TAS1R1: variants seen among roughly 807,000 people sequenced by gnomAD.
The protein encoded by TAS1R1 is taste 1 receptor member 1, also known as taste receptor type 1 member 1.
Under a neutral mutation model 45.8 loss-of-function variants are expected in TAS1R1, and 31 were observed. The ratio of observed to expected loss-of-function variants is 0.68; its 90% CI spans 0.51 to 0.91. The LOEUF is 0.91. Among genes scored for constraint, TAS1R1 ranks in the 40% least tolerant of loss-of-function variants. The probability of loss-of-function intolerance (pLI) is 0.00; values close to 1 mark genes in which losing one functional copy is unlikely to be tolerated. For synonymous variants in TAS1R1, 437 were observed against 448.4 expected (o/e 0.97, Z 0.32); for missense variants, 1,051 against 1,063.9 (o/e 0.99, Z 0.17).
In TAS1R1 at chr1:6,579,307, A is replaced by G; in HGVS notation, c.2249A>G (p.Lys750Arg). The G allele has an allele frequency of 6.2e-7, 1 of 1,614,220 alleles. No homozygotes were observed. Among genetic ancestry groups the G allele is most frequent in the Non-Finnish European group, 8.5e-7 (1 of 1,180,042 alleles). Residue 750 changes from lysine (K) to arginine (R), a missense_variant, in exon 6 of 6, where the codon AAG (lysine) becomes AGG (arginine). By Grantham distance (26) the Lys-to-Arg change is conservative. Coordinates refer to ENST00000333172, the MANE Select transcript of TAS1R1 (RefSeq NM_138697.4). ...ISAFACSYLG[K>R]DLPENYNEAK... Reference sequence around the variant, plus strand: ...GCCTTTGCCTGCAGCTACCTGGGTAAGGACTTGCCAGAGAACTACAACGAG... The same window carrying G: ...GCCTTTGCCTGCAGCTACCTGGGTAGGGACTTGCCAGAGAACTACAACGAG...
At chr1:6,566,061 A>T (rs1210266392) in intron 1 of TAS1R1, among the ~76,000 whole-genome samples, 1 of 152,158 alleles carries the variant, frequency 6.6e-6, no homozygotes, top group Non-Finnish European at 1.5e-5. Context: ...GAAGGGTAAT[A>T]GTGTGAGTCT....
At position 6,576,988 on chromosome 1, in the gene TAS1R1, G is replaced by A; in HGVS notation, c.1512G>A (p.Gly504=). Residue 504 remains glycine, a synonymous_variant, in exon 5 of 6, where the codon GGG becomes GGA. Transcript: ENST00000333172. ...TGTGTTCCAGCGACTGTCTTGAAGG[G>A]CACCAGCGAGTGGTTACGGGTTTCC... is the stretch of plus-strand genomic sequence containing the variant. The part of the protein sequence containing the change: ...KSVCSSDCLE[G]HQRVVTGFHH... 1 of 1,614,258 alleles carries A rather than the reference G, an allele frequency of 6.2e-7. No individual in the cohort carries two copies.
chr1:6,558,727 T>A (rs921559311), intron 1 of TAS1R1, among the ~76,000 whole-genome samples: 9 of 149,566 alleles, frequency 6.0e-5, no homozygotes, highest in African/African-American at 1.5e-4. Context: ...TAAAAAAAAA[T>A]ATATATATTT....
intron 1 of TAS1R1, among the ~76,000 whole-genome samples, chr1:6,569,226 G>A (rs756479388): frequency 2.0e-5 from 3 of 152,170 alleles, no homozygotes; most frequent in Non-Finnish European, 2.9e-5. Flanking sequence ...GTTAAAAGAA[G>A]AGGAGTCATC....
chr1:6,573,882 C>A (rs1044456034), intron 2 of TAS1R1, among the ~76,000 whole-genome samples: 1 of 151,992 alleles, frequency 6.6e-6, no homozygotes, highest in South Asian at 2.1e-4. Flanking sequence ...CCAGGCTGGT[C>A]GCAAACTCCT....
Position 6,579,729 on chromosome 1 carries a change from G to C in TAS1R1, c.*145G>C. On this transcript the variant is annotated 3_prime_UTR_variant, in exon 6 of 6. Coordinates refer to ENST00000333172, the MANE Select transcript of TAS1R1 (RefSeq NM_138697.4). ...CCTGGGAGAGCCTAGACCAGGCTCC[G>C]GGCTGCCAATAAAGAAGTGAAATGC... 8.8e-7 allele frequency: 1 copy of C among 1,132,588 alleles called. No individual in the cohort carries two copies. Among genetic ancestry groups the C allele is most frequent in the Admixed American group, 2.9e-5 (1 of 34,610 alleles). The allele number at this position is 1,132,588 out of a possible 1,614,324, so 70.2% of individuals were successfully genotyped here.
intron 1 of TAS1R1, among the ~76,000 whole-genome samples, chr1:6,556,170 C>T (rs1333902762): frequency 6.6e-6 from 1 of 151,918 alleles, no homozygotes; most frequent in African/African-American, 2.4e-5. Flanking sequence ...CGCGCCCAGC[C>T]GCTTTTTCCC....
chr1:6,568,776 T>C (rs1236483915), intron 1 of TAS1R1, among the ~76,000 whole-genome samples: 1 of 151,216 alleles, frequency 6.6e-6, no homozygotes, highest in Non-Finnish European at 1.5e-5. Context: ...ATTGGCGGCA[T>C]GTGCCTGTGC....
At position 6,574,503 on chromosome 1, in the gene TAS1R1, T is replaced by G; in HGVS notation, c.499-128T>G. 1 of 1,211,674 alleles carries G rather than the reference T, an allele frequency of 8.3e-7. No individual in the cohort carries two copies. Among genetic ancestry groups the G allele is most frequent in the Non-Finnish European group, 1.1e-6 (1 of 892,398 alleles). The allele number at this position is 1,211,674 out of a possible 1,614,324, so 75.1% of individuals were successfully genotyped here. ...CAGTGGAGCCTTCGCAGGTGATTTG[T>G]CAGTTTCACAGGCTGAGGGGTGCTC... is the stretch of plus-strand genomic sequence containing the variant. On this transcript the variant is annotated intron_variant, in intron 2 of 5. Transcript: ENST00000333172. This position sits in a 1 kb window ranked among gnomAD's most constrained non-coding sequence, Gnocchi z 4.3.
intron 1 of TAS1R1, among the ~76,000 whole-genome samples, chr1:6,565,653 C>T (rs1444839276): frequency 6.6e-6 from 1 of 152,094 alleles, no homozygotes; most frequent in Non-Finnish European, 1.5e-5. Flanking sequence ...CGCTCTGTTG[C>T]CCAGGCTGGA....
In TAS1R1 at chr1:6,561,404, A is replaced by G. The variant is rs1407114815; in HGVS notation, c.191+5840A>G. 2.6e-5 allele frequency among the ~76,000 whole-genome samples: 4 copies of G among 152,126 alleles called. 1 individual carries two copies. The highest frequency in any genetic ancestry group is 4.8e-5 in the African/African-American group (2 of 41,426). ...TCTAAACCTCAACAGTTTTGAAGTGACGCTACTGCTAAAGAGTCTATCTGG... is the reference window on the plus strand; with the variant it reads ...TCTAAACCTCAACAGTTTTGAAGTGGCGCTACTGCTAAAGAGTCTATCTGG... On this transcript the variant is annotated intron_variant, in intron 1 of 5. Coordinates refer to ENST00000333172, the MANE Select transcript of TAS1R1 (RefSeq NM_138697.4).
intron 3 of TAS1R1, 52 bp from the exon 4 acceptor site, chr1:6,576,363 C>A: frequency 6.3e-7 from 1 of 1,581,752 alleles, no homozygotes; most frequent in Non-Finnish European, 8.7e-7. Context: ...GCTTCTGGGA[C>A]CATGTGGGTC....
At chr1:6,576,830 A>G in intron 4 of TAS1R1, 120 bp from the exon 5 acceptor site, 1 of 1,531,588 alleles carries the variant, frequency 6.5e-7, no homozygotes, top group Non-Finnish European at 8.9e-7. Flanking sequence ...TCACACGACC[A>G]GGGGCCCTGC....
In TAS1R1 at chr1:6,578,933, A is replaced by T; in HGVS notation, c.1875A>T (p.Glu625Asp). The change falls in exon 6 of 6, where the codon GAA (glutamate) becomes GAT (aspartate). Residue 625 changes from glutamate (E) to aspartate (D), a missense_variant. By Grantham distance (45) the Glu-to-Asp change is conservative. Coordinates refer to ENST00000333172, the MANE Select transcript of TAS1R1 (RefSeq NM_138697.4). The stretch of plus-strand genomic sequence containing the variant: ...GCAGCCTCTATGGCTTCTTTGGGGA[A>T]CCCACAAGGCCTGCGTGCTTGCTAC... ...GSGSLYGFFG[E>D]PTRPACLLRQ... 2.5e-6 allele frequency: 4 copies of T among 1,613,658 alleles called. No homozygotes were observed. The South Asian group carries it at 3.3e-5, about 13-fold the overall frequency.
intron 2 of TAS1R1, among the ~76,000 whole-genome samples, chr1:6,571,640 C>T (rs12760709): frequency 0.79 from 120,333 of 152,070 alleles, 48,597 homozygotes; most frequent in Non-Finnish European, 0.87. Context: ...GCCAGTATGG[C>T]GAAACCCCAT....
intron 2 of TAS1R1, among the ~76,000 whole-genome samples, chr1:6,573,041 C>T (rs942555600): frequency 6.6e-6 from 1 of 152,212 alleles, no homozygotes; most frequent in African/African-American, 2.4e-5. Context: ...AGCTGGAATT[C>T]ACACCAGCAT....
At chr1:6,562,368 C>T (rs189758358) in intron 1 of TAS1R1, among the ~76,000 whole-genome samples, 1 of 152,282 alleles carries the variant, frequency 6.6e-6, no homozygotes, top group East Asian at 1.9e-4. Context: ...TGGGGTTTCA[C>T]CATGTTAGCC....
chr1:6,575,565 C>A (rs1640146729), intron 3 of TAS1R1, among the ~76,000 whole-genome samples, 173 bp downstream of exon 3: 1 of 152,146 alleles, frequency 6.6e-6, no homozygotes, highest in East Asian at 1.9e-4. Flanking sequence ...GTCACCCAGG[C>A]TGCAGTGTAG....
Position 6,560,373 on chromosome 1 carries a change from A to G in TAS1R1, c.191+4809A>G, listed in dbSNP as rs138977347. The stretch of plus-strand genomic sequence containing the variant: ...TTAGTAACCTGCTGGGCTGCTCCAC[A>G]GCAATCAGAGGAGGCAACAGCCCAG... On this transcript the variant is annotated intron_variant, in intron 1 of 5. Coordinates refer to ENST00000333172, the MANE Select transcript of TAS1R1 (RefSeq NM_138697.4). 3.7e-3 allele frequency among the ~76,000 whole-genome samples: 570 copies of G among 152,326 alleles called. 2 individuals carry two copies. The highest frequency in any genetic ancestry group is 0.013 in the African/African-American group (527 of 41,576).
Sources: allele counts gnomAD v4.1 joint callset (sites outside exome capture counted in the v4.1 genomes callset), GRCh38; gene constraint gnomAD v4.1.1; non-coding constraint Gnocchi (gnomAD v3.1); transcripts MANE v1.5; gene names NCBI Gene and HGNC (gene_info 2026-07-23, HGNC 2026-07-21).